GSG1L: variants seen among roughly 807,000 people sequenced by gnomAD.
The protein encoded by GSG1L is GSG1 like.
In GSG1L, 24 loss-of-function variants were observed where a neutral mutation model predicts 42.1. The observed-to-expected ratio is 0.57, with a 90% CI of 0.41 to 0.80. GSG1L has a LOEUF of 0.80. GSG1L is among the 30% of genes least tolerant of loss of function. GSG1L has a pLI of 0.00. For synonymous variants in GSG1L, 215 were observed against 203.5 expected (o/e 1.06, Z -0.48); for missense variants, 445 against 472.2 (o/e 0.94, Z 0.53).
chr16:27,835,567 G>A (rs912739361), intron 4 of GSG1L, among the ~76,000 whole-genome samples: 1 of 150,812 alleles, frequency 6.6e-6, no homozygotes, highest in Non-Finnish European at 1.5e-5. Context: ...TTGTTCCTCT[G>A]TTTTTTGTTT....
intron 1 of GSG1L, among the ~76,000 whole-genome samples, chr16:27,982,887 T>C (rs1250912354): frequency 3.3e-5 from 5 of 152,126 alleles, no homozygotes; most frequent in African/African-American, 1.2e-4. Context: ...AAACACCTCC[T>C]ACCAGTCCCC....
chr16:28,018,883 C>T (rs573827811), intron 1 of GSG1L, among the ~76,000 whole-genome samples: 2 of 152,126 alleles, frequency 1.3e-5, no homozygotes, highest in African/African-American at 2.4e-5. Flanking sequence ...AGCCCAGCTG[C>T]GACCTGCACA....
chr16:27,961,822 G>A (rs1322984316), intron 2 of GSG1L, among the ~76,000 whole-genome samples: 1 of 152,182 alleles, frequency 6.6e-6, no homozygotes, highest in Non-Finnish European at 1.5e-5. Context: ...ACTGCCAAGA[G>A]GCTGCTGGGG....
chr16:27,825,701 C>T (rs929492366), intron 5 of GSG1L, among the ~76,000 whole-genome samples: 4 of 152,168 alleles, frequency 2.6e-5, no homozygotes, highest in Non-Finnish European at 5.9e-5. Context: ...CCATAATCCT[C>T]ATCTGTCATT....
intron 3 of GSG1L, among the ~76,000 whole-genome samples, chr16:27,873,682 GA>G (rs2083851577): frequency 1.3e-5 from 2 of 152,210 alleles, no homozygotes; most frequent in Admixed American, 1.3e-4. Flanking sequence ...TGGGGGCTTA[GA>G]ATTAAAATTA....
intron 2 of GSG1L, among the ~76,000 whole-genome samples, chr16:27,938,201 A>C (rs1486685309): frequency 6.6e-6 from 1 of 151,946 alleles, no homozygotes; most frequent in Non-Finnish European, 1.5e-5. Flanking sequence ...TGGCACCACT[A>C]ATATGGGTGG....
intron 1 of GSG1L, among the ~76,000 whole-genome samples, chr16:27,979,726 G>GGAAGGAAGGAGA (rs1491436872): frequency 1.9e-5 from 1 of 53,584 alleles, no homozygotes; most frequent in Non-Finnish European, 3.4e-5. Flanking sequence ...AAGGAAGGAA[G>GGAAGGAAGGAGA]GAAAGAAAAA....
chr16:27,904,285 GT>G (rs2084294923), intron 2 of GSG1L, among the ~76,000 whole-genome samples: 1 of 151,954 alleles, frequency 6.6e-6, no homozygotes, highest in South Asian at 2.1e-4. Flanking sequence ...GTCCAAGCTG[GT>G]CTTAAACTCC....
At chr16:27,874,310 G>C (rs1313458546) in intron 3 of GSG1L, among the ~76,000 whole-genome samples, 4 of 152,074 alleles carry the variant, frequency 2.6e-5, no homozygotes, top group Non-Finnish European at 4.4e-5. Flanking sequence ...CTTTGAGCCA[G>C]CCTGACCTCA....
chr16:27,911,292 TCTC>T (rs1470721350), intron 2 of GSG1L, among the ~76,000 whole-genome samples: 9 of 146,838 alleles, frequency 6.1e-5, no homozygotes, highest in African/African-American at 2.4e-4. Context: ...TCTCTCTCTC[TCTC>T]CTCTCTCTCT....
At chr16:27,924,489 T>G (rs2084568584) in intron 2 of GSG1L, among the ~76,000 whole-genome samples, 1 of 152,188 alleles carries the variant, frequency 6.6e-6, no homozygotes. Context: ...TGTGTTGAGT[T>G]TTTTTTGGCA....
chr16:27,792,752 T>C (rs1373599373), intron 6 of GSG1L, among the ~76,000 whole-genome samples: 1 of 151,636 alleles, frequency 6.6e-6, no homozygotes. Flanking sequence ...TGTGGACCAG[T>C]GGAGGTGGAG....
At chr16:28,026,145 T>C (rs1286638220) in intron 1 of GSG1L, among the ~76,000 whole-genome samples, 1 of 152,182 alleles carries the variant, frequency 6.6e-6, no homozygotes, top group Non-Finnish European at 1.5e-5. Context: ...CGTGACTTCA[T>C]TACCTGCTCA....
intron 5 of GSG1L, among the ~76,000 whole-genome samples, chr16:27,816,093 GC>G (rs1240237042): frequency 1.3e-5 from 2 of 152,110 alleles, no homozygotes; most frequent in Non-Finnish European, 2.9e-5. Context: ...CCTTACCTCT[GC>G]GGTCTTTCTG....
intron 1 of GSG1L, among the ~76,000 whole-genome samples, chr16:27,964,471 A>G (rs1039000355): frequency 1.3e-5 from 2 of 152,220 alleles, no homozygotes; most frequent in Non-Finnish European, 2.9e-5. Flanking sequence ...GGATAGCACA[A>G]TTGTATTTAT....
At chr16:28,062,332 C>T (rs1046268814) in intron 1 of GSG1L, among the ~76,000 whole-genome samples, 3 of 152,208 alleles carry the variant, frequency 2.0e-5, no homozygotes, top group Non-Finnish European at 4.4e-5. Context: ...TCTGAAAAGT[C>T]AGTCCCCCAC....
intron 6 of GSG1L, among the ~76,000 whole-genome samples, chr16:27,793,205 C>G (rs1454194389): frequency 6.6e-6 from 1 of 152,168 alleles, no homozygotes; most frequent in Non-Finnish European, 1.5e-5. Flanking sequence ...GAGAGTCTTT[C>G]TAATAACAAG....
At chr16:27,946,402 G>A (rs975289981) in intron 2 of GSG1L, among the ~76,000 whole-genome samples, 3 of 151,588 alleles carry the variant, frequency 2.0e-5, no homozygotes, top group East Asian at 1.9e-4. Context: ...AAAATTAGCC[G>A]GGTGTGGTGG....
intron 3 of GSG1L, among the ~76,000 whole-genome samples, chr16:27,859,393 T>C (rs2083615775): frequency 6.6e-6 from 1 of 152,294 alleles, no homozygotes; most frequent in Non-Finnish European, 1.5e-5. Flanking sequence ...CGCAGAAGCA[T>C]GGAGGGGGGT....
Sources: allele counts gnomAD v4.1 joint callset (sites outside exome capture counted in the v4.1 genomes callset), GRCh38; gene constraint gnomAD v4.1.1; transcripts MANE v1.5; gene names NCBI Gene and HGNC (gene_info 2026-07-23, HGNC 2026-07-21).